The following LAMC1 variants were observed in gnomAD, a reference collection of about 807,000 sequenced individuals.
The protein encoded by LAMC1 is laminin subunit gamma 1, also known as laminin subunit gamma-1.
A neutral mutation model predicts 173.6 loss-of-function variants in LAMC1; 38 were observed. That is an observed-to-expected ratio of 0.22 (90% confidence interval 0.17 to 0.29). The LOEUF is 0.29. Among genes scored for constraint, LAMC1 ranks in the 10% least tolerant of loss-of-function variants. LAMC1 has a pLI of 1.00. For synonymous variants in LAMC1, 746 were observed against 749.1 expected, an observed-to-expected ratio of 1.00 and a Z score of 0.07; for missense variants, 1,824 against 2,051.8, an observed-to-expected ratio of 0.89 and a Z score of 2.14.
chr1:183,114,658 A>C lies in LAMC1; in HGVS notation c.1149A>C (p.Arg383=). The change falls in exon 5 of 28, where the codon CGA becomes CGC. Residue 383 remains arginine, a synonymous_variant. Transcript: ENST00000258341. ...ATGGCGCCCACTGTGAGAGGTGCCG[A>C]GAGAACTTCTTCCGCCTTGGCAACA... ...NTDGAHCERC[R]ENFFRLGNNE... The C allele has an allele frequency of 6.2e-7, 1 of 1,614,216 alleles. No individual in the cohort carries two copies. The highest frequency in any genetic ancestry group is 8.5e-7 in the Non-Finnish European group (1 of 1,180,036).
intron 1 of LAMC1, among the ~76,000 whole-genome samples, chr1:183,080,196 A>G (rs1336667142): frequency 6.6e-6 from 1 of 152,186 alleles, no homozygotes; most frequent in Non-Finnish European, 1.5e-5. Context: ...GTGAGCCGAG[A>G]TTATGCCATT....
At chr1:183,127,177 A>G (rs890685572) in intron 16 of LAMC1, 49 bp from the exon 17 acceptor site, 1 of 1,538,430 alleles carries the variant, frequency 6.5e-7, no homozygotes, top group Non-Finnish European at 8.9e-7. Flanking sequence ...TAAGAGATAT[A>G]CTCTTCCTTC....
In LAMC1 at chr1:183,126,153, G is replaced by T. The variant is rs762007752; in HGVS notation, c.2835G>T (p.Gly945=). Residue 945 remains glycine, a synonymous_variant, in exon 16 of 28, where the codon GGG becomes GGT. Coordinates refer to ENST00000258341, the MANE Select transcript of LAMC1 (RefSeq NM_002293.4). ...GCCATGCCTTGGGCTCCACCAATGG[G>T]CAGTGTGACATCCGCACCGGCCAGT... The part of the protein sequence containing the change: ...CDCHALGSTN[G]QCDIRTGQCE... The T allele has an allele frequency of 2.5e-5, 41 of 1,614,086 alleles. No homozygotes were observed. Among genetic ancestry groups the T allele is most frequent in the Non-Finnish European group, 3.4e-5 (40 of 1,180,036 alleles).
intron 1 of LAMC1, among the ~76,000 whole-genome samples, chr1:183,055,059 G>C (rs1240212023): frequency 6.6e-6 from 1 of 150,916 alleles, no homozygotes; most frequent in Non-Finnish European, 1.5e-5. Context: ...CGCAATCTCG[G>C]CTCACTGCAA....
intron 21 of LAMC1, 130 bp downstream of exon 21, chr1:183,132,667 G>T (rs1656829611): frequency 2.8e-6 from 2 of 713,714 alleles, no homozygotes; most frequent in Non-Finnish European, 4.5e-6. Flanking sequence ...TGTTAATCAT[G>T]CTTTTGAAAT....
intron 1 of LAMC1, among the ~76,000 whole-genome samples, chr1:183,031,553 C>G (rs971498263): frequency 6.6e-6 from 1 of 152,172 alleles, no homozygotes; most frequent in African/African-American, 2.4e-5. Context: ...ATCTGCCCGT[C>G]GTGGCTGCCC....
intron 2 of LAMC1, 107 bp from the exon 3 acceptor site, chr1:183,108,169 C>T (rs923075320): frequency 1.2e-5 from 12 of 1,017,914 alleles, no homozygotes; most frequent in Middle Eastern, 2.1e-4. Flanking sequence ...CTAAAGAGGG[C>T]GTAAGTTAAA....
rs1654437651 is a variant in LAMC1 at position 183,051,979 on chromosome 1, CATATTCTTGGTT to C, written c.418+27846_418+27857del. ...TAACAGTAGGAAAACAAGCTATGTTCATATTCTTGGTTTCTGCTTATTTCTCTGATAAAAAAT... is the reference window on the plus strand; with the variant it reads ...TAACAGTAGGAAAACAAGCTATGTTCTCTGCTTATTTCTCTGATAAAAAAT... On this transcript the variant is annotated intron_variant, in intron 1 of 27. Coordinates refer to ENST00000258341, the MANE Select transcript of LAMC1 (RefSeq NM_002293.4). Among the ~76,000 whole-genome samples, 3 of 152,186 alleles carry C rather than the reference CATATTCTTGGTT, an allele frequency of 2.0e-5. No individual in the cohort carries two copies. In the South Asian group the frequency reaches 6.2e-4, roughly 32 times the overall value.
At chr1:183,093,719 C>T (rs1408346533) in intron 1 of LAMC1, among the ~76,000 whole-genome samples, 2 of 152,164 alleles carry the variant, frequency 1.3e-5, no homozygotes, top group Non-Finnish European at 2.9e-5. Context: ...CTTAGTATAT[C>T]TGAAACTGAA....
At chr1:183,085,375 T>A (rs917809898) in intron 1 of LAMC1, among the ~76,000 whole-genome samples, 1 of 152,092 alleles carries the variant, frequency 6.6e-6, no homozygotes, top group Non-Finnish European at 1.5e-5. Flanking sequence ...GTTTGTTTTG[T>A]TTTTTGAGTC....
At chr1:183,096,843 A>G (rs1571437190) in intron 1 of LAMC1, among the ~76,000 whole-genome samples, 1 of 152,342 alleles carries the variant, frequency 6.6e-6, no homozygotes, top group East Asian at 1.9e-4. Context: ...AAGTTTTTAA[A>G]AACAAACAAT....
At chr1:183,111,695 T>C (rs1423623309) in intron 4 of LAMC1, among the ~76,000 whole-genome samples, 1 of 152,206 alleles carries the variant, frequency 6.6e-6, no homozygotes, top group Non-Finnish European at 1.5e-5. Context: ...GTTTATCATA[T>C]TCTGTTAAGA....
chr1:183,081,011 C>A (rs1655258717), intron 1 of LAMC1, among the ~76,000 whole-genome samples: 1 of 152,088 alleles, frequency 6.6e-6, no homozygotes, highest in African/African-American at 2.4e-5. Context: ...GCCTCAGCCT[C>A]CCAAGTAGCT....
intron 1 of LAMC1, among the ~76,000 whole-genome samples, chr1:183,069,426 A>G (rs907274493): frequency 2.0e-5 from 3 of 152,236 alleles, no homozygotes; most frequent in African/African-American, 7.2e-5. Context: ...ATGTCTGTGC[A>G]CTGGGAGATC....
intron 17 of LAMC1, 93 bp from the exon 18 acceptor site, chr1:183,128,501 G>T: frequency 1.1e-6 from 1 of 940,682 alleles, no homozygotes. Context: ...ACATATTCAT[G>T]GAGTGCCCAT....
chr1:183,109,718 A>G (rs1403717554), intron 3 of LAMC1, among the ~76,000 whole-genome samples: 1 of 152,226 alleles, frequency 6.6e-6, no homozygotes, highest in East Asian at 1.9e-4. Flanking sequence ...AGTTGAAGCT[A>G]TGAGACTGAT....
intron 1 of LAMC1, among the ~76,000 whole-genome samples, chr1:183,061,838 A>G (rs1654752396): frequency 6.6e-6 from 1 of 152,236 alleles, no homozygotes; most frequent in Non-Finnish European, 1.5e-5. Context: ...CACAGACATC[A>G]TTTATATTGA....
Position 183,103,482 on chromosome 1 carries a change from C to T in LAMC1, c.573C>T (p.Arg191=), listed in dbSNP as rs759574368. The T allele has an allele frequency of 1.1e-5, 17 of 1,614,054 alleles. No homozygotes were observed. The highest frequency in any genetic ancestry group is 4.5e-5 in the East Asian group (2 of 44,896). The change falls in exon 2 of 28, where the codon CGC becomes CGT. Residue 191 remains arginine (R), a synonymous_variant. Transcript: ENST00000258341. ...AGAACACCTACTCCAAGGCAAACCG[C>T]GGCTTCATCAGGACAGGAGGGGACG... ...SCENTYSKAN[R]GFIRTGGDEQ... is the part of the protein sequence containing the mutation.
intron 1 of LAMC1, among the ~76,000 whole-genome samples, chr1:183,050,954 G>A (rs1239088725): frequency 1.3e-5 from 2 of 150,020 alleles, no homozygotes; most frequent in East Asian, 3.9e-4. Flanking sequence ...AAGGCCTTTA[G>A]ATGTTACAGT....
Sources: gnomAD v4.1 joint callset for allele counts (sites outside exome capture counted in the v4.1 genomes callset) on GRCh38, gnomAD v4.1.1 for gene constraint, MANE v1.5 for transcripts, NCBI Gene and HGNC (gene_info 2026-07-23, HGNC 2026-07-21) for gene names.